Variants in APPBP2 observed in about 807,000 individuals in gnomAD.
APPBP2 encodes the protein amyloid beta precursor protein binding protein 2, also known as amyloid protein-binding protein 2.
APPBP2 carries 15 observed loss-of-function variants against 76.0 expected under a neutral mutation model. The ratio of observed to expected loss-of-function variants is 0.20; its 90% confidence interval spans 0.13 to 0.30. The LOEUF (loss-of-function observed/expected upper bound fraction) is 0.30. APPBP2 is among the 10% of genes least tolerant of loss of function. The pLI is 1.00. For missense variants in APPBP2, 401 were observed against 687.2 expected (o/e 0.58, Z 4.66); for synonymous variants, 222 against 242.2 (o/e 0.92, Z 0.77).
chr17:60,470,275 T>A (rs1295214361), intron 4 of APPBP2, among the ~76,000 whole-genome samples: 2 of 152,146 alleles, frequency 1.3e-5, no homozygotes, highest in African/African-American at 4.8e-5. Flanking sequence ...ATTTTTAATT[T>A]TATGAGACAG....
At chr17:60,508,024 G>C (rs939801451) in intron 1 of APPBP2, among the ~76,000 whole-genome samples, 1 of 150,902 alleles carries the variant, frequency 6.6e-6, no homozygotes, top group Non-Finnish European at 1.5e-5. Flanking sequence ...CCAGGCTGGA[G>C]TGCAGTGGTG....
chr17:60,474,509 G>C (rs2090575628), intron 4 of APPBP2, among the ~76,000 whole-genome samples: 1 of 152,016 alleles, frequency 6.6e-6, no homozygotes, highest in Admixed American at 6.6e-5. Context: ...TTCACTAGGT[G>C]ATCTCTATAA....
intron 3 of APPBP2, among the ~76,000 whole-genome samples, chr17:60,484,089 ATC>A (rs1345432830): frequency 2.6e-5 from 4 of 151,822 alleles, no homozygotes; most frequent in African/African-American, 9.7e-5. Context: ...ACTGGTCTAT[ATC>A]TGTTTTGGTA....
intron 12 of APPBP2, among the ~76,000 whole-genome samples, chr17:60,450,273 C>T (rs944881792): frequency 1.3e-5 from 2 of 151,542 alleles, no homozygotes; most frequent in Non-Finnish European, 2.9e-5. Context: ...ACCGTCTCTA[C>T]TAAAAATACA....
intron 1 of APPBP2, among the ~76,000 whole-genome samples, chr17:60,506,122 C>T (rs1296809308): frequency 6.6e-6 from 1 of 151,952 alleles, no homozygotes; most frequent in Admixed American, 6.6e-5. Context: ...CAGATAGTAG[C>T]TGGTACTACA....
intron 1 of APPBP2, among the ~76,000 whole-genome samples, chr17:60,510,489 A>C (rs569820571): frequency 6.6e-6 from 1 of 152,090 alleles, no homozygotes; most frequent in Non-Finnish European, 1.5e-5. Flanking sequence ...TGGGAGGCCA[A>C]GGTGGGAGGA....
At chr17:60,519,366 C>T (rs950681607) in intron 1 of APPBP2, among the ~76,000 whole-genome samples, 7 of 151,938 alleles carry the variant, frequency 4.6e-5, no homozygotes, top group Non-Finnish European at 8.8e-5. Flanking sequence ...CAGCACATTA[C>T]GGGGCTGAGG....
At chr17:60,493,326 AAAAC>A (rs1259626935) in intron 3 of APPBP2, among the ~76,000 whole-genome samples, 1 of 152,230 alleles carries the variant, frequency 6.6e-6, no homozygotes, top group Non-Finnish European at 1.5e-5. Flanking sequence ...ATAAAATAAT[AAAAC>A]AAAATAAACA....
Position 60,460,715 on chromosome 17 carries a change from C to A in APPBP2, c.1009G>T (p.Ala337Ser), listed in dbSNP as rs751427918. The change falls in exon 9 of 13, where the codon GCC becomes TCC. Residue 337 changes from alanine (A) to serine (S), a missense_variant. Coordinates refer to ENST00000083182, the MANE Select transcript of APPBP2 (RefSeq NM_006380.5). ...TACTGGTGGACATAAGAAGAGTAGG[C>A]CAAATCTTCATGAGCTGTTGCTACG... is the stretch of plus-strand genomic sequence containing the variant. ...IHVATAHEDL[A>S]YSSYVHQYSS... 1 of 1,613,720 alleles carries A rather than the reference C, an allele frequency of 6.2e-7. No individual in the cohort carries two copies. The highest frequency in any genetic ancestry group is 8.5e-7 in the Non-Finnish European group (1 of 1,179,742).
chr17:60,447,883 T>G, intron 12 of APPBP2, 49 bp from the exon 13 acceptor site: 6 of 1,484,988 alleles, frequency 4.0e-6, no homozygotes, highest in African/African-American at 1.4e-5. Context: ...AATAATGAGA[T>G]AACAAGCAAT....
intron 1 of APPBP2, among the ~76,000 whole-genome samples, chr17:60,508,120 G>A (rs774160839): frequency 6.6e-5 from 10 of 152,080 alleles, no homozygotes; most frequent in Non-Finnish European, 1.3e-4. Context: ...CTACAGGTGC[G>A]AGCCACCAAT....
At chr17:60,487,506 G>A (rs1431496083) in intron 3 of APPBP2, among the ~76,000 whole-genome samples, 2 of 152,102 alleles carry the variant, frequency 1.3e-5, no homozygotes, top group Non-Finnish European at 1.5e-5. Flanking sequence ...GCATGTGCAT[G>A]TGTCATGTAG....
chr17:60,463,248 G>A (rs1239611647), intron 6 of APPBP2, among the ~76,000 whole-genome samples: 3 of 152,166 alleles, frequency 2.0e-5, no homozygotes, highest in African/African-American at 4.8e-5. Context: ...CAGGGTAGAA[G>A]AGTGTATCTG....
chr17:60,518,068 C>CGTT (rs1418644039), intron 1 of APPBP2, among the ~76,000 whole-genome samples: 8 of 122,366 alleles, frequency 6.5e-5, no homozygotes, highest in African/African-American at 2.2e-4. Context: ...TTACAATTTC[C>CGTT]TTTTTTTTTT....
intron 3 of APPBP2, among the ~76,000 whole-genome samples, chr17:60,484,860 G>A (rs1485582703): frequency 6.6e-6 from 1 of 150,830 alleles, no homozygotes; most frequent in Non-Finnish European, 1.5e-5. Flanking sequence ...TACTGGCTGT[G>A]GGTCTGTCTT....
chr17:60,522,915 T>C (rs1211105200), intron 1 of APPBP2, among the ~76,000 whole-genome samples: 1 of 151,994 alleles, frequency 6.6e-6, no homozygotes, highest in East Asian at 1.9e-4. Context: ...CTTTCTATGC[T>C]CTCCCTTCCC....
chr17:60,455,818 C>A (rs1241776819), intron 10 of APPBP2, among the ~76,000 whole-genome samples: 1 of 141,932 alleles, frequency 7.0e-6, no homozygotes, highest in Non-Finnish European at 1.5e-5. Context: ...CGTTCTGTTG[C>A]CTAGGCTGGA....
intron 1 of APPBP2, among the ~76,000 whole-genome samples, chr17:60,512,438 T>C (rs1356881303): frequency 6.6e-6 from 1 of 152,160 alleles, no homozygotes; most frequent in Non-Finnish European, 1.5e-5. Flanking sequence ...TTTTTAATTA[T>C]AAACGTGTAA....
intron 2 of APPBP2, among the ~76,000 whole-genome samples, chr17:60,498,144 C>A (rs991959188): frequency 2.7e-4 from 41 of 151,432 alleles, no homozygotes; most frequent in Non-Finnish European, 4.9e-4. Flanking sequence ...AAAAAAAGAA[C>A]AGCAAGTACA....
Sources: allele counts gnomAD v4.1 joint callset (sites outside exome capture counted in the v4.1 genomes callset), GRCh38; gene constraint gnomAD v4.1.1; transcripts MANE v1.5; gene names NCBI Gene and HGNC (gene_info 2026-07-23, HGNC 2026-07-21).